Variants in PSD observed in about 807,000 individuals in gnomAD.
PSD encodes PH and SEC7 domain-containing protein 1.
In PSD, 32 loss-of-function variants were observed where a neutral mutation model predicts 91.6. The observed-to-expected ratio is 0.35, with a 90% confidence interval of 0.26 to 0.47. The LOEUF (loss-of-function observed/expected upper bound fraction) is 0.47, where lower values mean the gene tolerates loss of function less well. Among genes scored for constraint, PSD ranks in the 20% least tolerant of loss-of-function variants. The pLI is 1.00. For synonymous variants in PSD, 532 were observed against 569.3 expected (o/e 0.93, Z 0.93); for missense variants, 1,099 against 1,373.9 (o/e 0.80, Z 3.16).
chr10:102,410,585 CG>C lies in PSD; in HGVS notation c.2091+272del, dbSNP rs1363143774. 6.6e-6 allele frequency among the ~76,000 whole-genome samples: 1 copy of C among 152,230 alleles called. No homozygotes were observed. The highest frequency in any genetic ancestry group is 1.5e-5 in the Non-Finnish European group (1 of 68,032). The stretch of plus-strand genomic sequence containing the variant: ...GGGAACTGAAGGCAAACGCAGGGGC[CG>C]GGGCCGCCTGCTCGCGTTTTCCAGA... On this transcript the variant is annotated intron_variant, in intron 10 of 16. Transcript: ENST00000020673. This position sits in a 1 kb window ranked among gnomAD's most constrained non-coding sequence, Gnocchi z 6.0.
chr10:102,418,991 C>G, upstream of PSD: 4 of 343,954 alleles, frequency 1.2e-5, no homozygotes, highest in South Asian at 8.4e-5. Context: ...ACCCCTGGTT[C>G]TATTCCCCAG....
rs768045850 is a variant in PSD, at chr10:102,413,932, G to A, written c.1390C>T (p.Leu464Phe). 1.7e-5 allele frequency: 27 copies of A among 1,613,950 alleles called. No homozygotes were observed. In the Middle Eastern group the frequency reaches 4.9e-4, roughly 29 times the overall value. ...GAGCTGGTACCAGAATCCGGTTCAA[G>A]AGGGGCAAGTGGGGCGGGAGCTGGT... ...DPPAPAPLAP[L>F]EPDSGTSSAA... Residue 464 changes from leucine (L) to phenylalanine (F), a missense_variant, in exon 5 of 17, where the codon CTT (leucine) becomes TTT (phenylalanine). By Grantham distance (22) the Leu-to-Phe change is conservative. Coordinates refer to ENST00000020673, the MANE Select transcript of PSD (RefSeq NM_002779.5).
chr10:102,419,916 C>T (rs1053431394), upstream of PSD: 12 of 264,544 alleles, frequency 4.5e-5, no homozygotes, highest in South Asian at 8.8e-5. The surrounding 1 kb of genome is among the most constrained non-coding windows in gnomAD (Gnocchi z 4.8). Flanking sequence ...GCTAGCTTCT[C>T]CCTTCTCGCT....
Position 102,412,555 on chromosome 10 carries a change from A to G in PSD, c.1574T>C (p.Leu525Pro). The G allele has an allele frequency of 6.2e-7, 1 of 1,613,128 alleles. No homozygotes were observed. The highest frequency in any genetic ancestry group is 8.5e-7 in the Non-Finnish European group (1 of 1,179,502). ...PLGSEPPLSQLVSDSDSELDS... is the reference protein window; with the variant it reads ...PLGSEPPLSQPVSDSDSELDS... ...CAGCTCTGAGTCTGAGTCGGACACC[A>G]GCTGGCTCAGGGGTGGTTCGCTGCC... The change falls in exon 6 of 17, where the codon CTG becomes CCG. Residue 525 changes from leucine (L) to proline (P), a missense_variant. Physicochemically the swap from Leu to Pro is moderately conservative, Grantham distance 98 (BLOSUM62 -3). Transcript: ENST00000020673.
chr10:102,418,825 C>A (rs1042279606), upstream of PSD: 10 of 416,156 alleles, frequency 2.4e-5, no homozygotes, highest in Admixed American at 7.5e-5. Flanking sequence ...CCCCCTACCC[C>A]CTACGCGCCG....
At position 102,412,397 on chromosome 10, in the gene PSD, G is replaced by A. The variant is rs780137359; in HGVS notation, c.1732C>T (p.Arg578Trp). Residue 578 changes from arginine (R) to tryptophan (W), a missense_variant, in exon 6 of 17, where the codon CGG (arginine) becomes TGG (tryptophan). Around this residue, in one of 3 missense-constraint regions of PSD, gnomAD observed 110 missense variants for 218.7 expected, o/e 0.50. Coordinates refer to ENST00000020673, the MANE Select transcript of PSD (RefSeq NM_002779.5). ...LDGFRKADVARHLGKNNDFSK... is the reference protein window; with the variant it reads ...LDGFRKADVAWHLGKNNDFSK... ...TGGCTTTACTTCTTGCCCAGGTGCCGGGCCACATCGGCCTTCCTGAAGCCA... is the reference window on the plus strand; with the variant it reads ...TGGCTTTACTTCTTGCCCAGGTGCCAGGCCACATCGGCCTTCCTGAAGCCA... 7.4e-6 allele frequency: 12 copies of A among 1,613,654 alleles called. No homozygotes were observed. The highest frequency in any genetic ancestry group is 1.0e-5 in the Non-Finnish European group (12 of 1,179,692).
chr10:102,414,573 C>G lies in PSD; in HGVS notation c.1124+290G>C, dbSNP rs766270020. Among the ~76,000 whole-genome samples, 1 of 152,194 alleles carries G rather than the reference C, an allele frequency of 6.6e-6. No individual in the cohort carries two copies. Among genetic ancestry groups the G allele is most frequent in the Non-Finnish European group, 1.5e-5 (1 of 68,024 alleles). On this transcript the variant is annotated intron_variant, in intron 4 of 16. Coordinates refer to ENST00000020673, the MANE Select transcript of PSD (RefSeq NM_002779.5). This position sits in a 1 kb window ranked among gnomAD's most constrained non-coding sequence, Gnocchi z 5.6. ...GTCCCCACACTCCCCACTCTCCCAC[C>G]AGGATCCAGGATCCAGACTCATGCT...
Position 102,404,545 on chromosome 10 carries a change from C to T in PSD, c.2700+38G>A. Reference sequence around the variant, plus strand: ...GCAGTGGGCCTGAGCCTAACACCCTCCATCCCACTGGCACTAGGTGGACAG... The same window carrying T: ...GCAGTGGGCCTGAGCCTAACACCCTTCATCCCACTGGCACTAGGTGGACAG... On this transcript the variant is annotated intron_variant, in intron 15 of 16. Transcript: ENST00000020673. This position sits in a 1 kb window ranked among gnomAD's most constrained non-coding sequence, Gnocchi z 5.7. 1 of 1,600,326 alleles carries T rather than the reference C, an allele frequency of 6.2e-7. No homozygotes were observed.
Position 102,413,822 on chromosome 10 carries a change from A to T in PSD, c.1500T>A (p.Pro500=). ...RAKLAPGREP[P]SPCHSEDSLG... is the part of the protein sequence containing the mutation. ...GGCTGTCCTCTGAGTGGCAGGGACT[A>T]GGGGGCTCCCTCCCTGGGGCCAGCT... The change falls in exon 5 of 17, where the codon CCT becomes CCA. Residue 500 remains proline, a synonymous_variant. Coordinates refer to ENST00000020673, the MANE Select transcript of PSD (RefSeq NM_002779.5). 6.2e-7 allele frequency: 1 copy of T among 1,614,052 alleles called. No homozygotes were observed. The highest frequency in any genetic ancestry group is 1.1e-5 in the South Asian group (1 of 91,082).
Position 102,404,817 on chromosome 10 carries a change from T to TG in PSD, c.2555+80dup. On this transcript the variant is annotated intron_variant, in intron 14 of 16. Transcript: ENST00000020673. This position sits in a 1 kb window ranked among gnomAD's most constrained non-coding sequence, Gnocchi z 5.7. Reference sequence around the variant, plus strand: ...GGCTCAAGTGTGGCCTGAGAAGGAATGAAAAAATCCAGGGACAGGGAGGGG... The same window carrying TG: ...GGCTCAAGTGTGGCCTGAGAAGGAATGGAAAAAATCCAGGGACAGGGAGGGG... 1 of 1,569,782 alleles carries TG rather than the reference T, an allele frequency of 6.4e-7. No individual in the cohort carries two copies. The highest frequency in any genetic ancestry group is 1.8e-5 in the Admixed American group (1 of 56,212).
chr10:102,407,170 C>G, intron 11 of PSD, 53 bp downstream of exon 11: 1 of 1,537,780 alleles, frequency 6.5e-7, no homozygotes, highest in Non-Finnish European at 8.8e-7. Flanking sequence ...CCTCCCCAGG[C>G]AGCCCCTTCC....
upstream of PSD, chr10:102,418,863 C>T (rs1433072388): frequency 7.6e-6 from 3 of 392,256 alleles, no homozygotes; most frequent in Non-Finnish European, 1.6e-5. Flanking sequence ...CCCCCCACCC[C>T]CCGCCCTCTC....
intron 3 of PSD, 99 bp from the exon 4 acceptor site, chr10:102,415,328 G>A (rs1216010741): frequency 2.2e-6 from 3 of 1,384,710 alleles, no homozygotes; most frequent in African/African-American, 1.4e-5. Context: ...ATATTGACAG[G>A]AAGTTCTTTC....
In PSD at chr10:102,402,639, A is replaced by C; in HGVS notation, c.*561T>G. The C allele has an allele frequency of 4.7e-6, 2 of 422,346 alleles. No homozygotes were observed. Among genetic ancestry groups the C allele is most frequent in the Non-Finnish European group, 8.4e-6 (2 of 236,986 alleles). 26.2% of individuals were successfully genotyped at this position (422,346 alleles called of 1,614,324 possible). A position where few individuals can be genotyped will look rare whatever the true frequency, so the allele number is the denominator to read the frequency against. Reference sequence around the variant, plus strand: ...AGCCAGCAAGTCCAGAGCAGTTTTAATGGGGGTGGAGGCTGTACAAAGGGC... The same window carrying C: ...AGCCAGCAAGTCCAGAGCAGTTTTACTGGGGGTGGAGGCTGTACAAAGGGC... On this transcript the variant is annotated 3_prime_UTR_variant, in exon 17 of 17. Transcript: ENST00000020673.
chr10:102,411,158 A>G, intron 8 of PSD, 42 bp from the exon 9 acceptor site: 1 of 1,553,426 alleles, frequency 6.4e-7, no homozygotes, highest in African/African-American at 1.4e-5. Flanking sequence ...CCTCCCAGGG[A>G]CCCTTCCCAC....
chr10:102,418,892 G>T, upstream of PSD: 2 of 350,400 alleles, frequency 5.7e-6, no homozygotes, highest in Non-Finnish European at 1.1e-5. Flanking sequence ...CAGAGCCCCG[G>T]AGGCTGCCAG....
Position 102,410,860 on chromosome 10 carries a change from T to C in PSD, c.2089A>G (p.Lys697Glu). The change falls in exon 10 of 17, where the codon AAG becomes GAG. Residue 697 changes from lysine to glutamate, a missense_variant and splice_region_variant. Transcript: ENST00000020673. The surrounding 1 kb of genome is among the most constrained non-coding windows in gnomAD (Gnocchi z 6.0). ...DGGDFPRELLKALYSSIKNEK... is the reference protein window; with the variant it reads ...DGGDFPRELLEALYSSIKNEK... ...TTCTACCCTGCCCCGCCCCCCACCT[T>C]GAGCAGCTCCCTAGGGAAGTCGCCG... The C allele has an allele frequency of 1.9e-6, 3 of 1,612,318 alleles. No individual in the cohort carries two copies. The highest frequency in any genetic ancestry group is 2.5e-6 in the Non-Finnish European group (3 of 1,178,744).
chr10:102,412,615 C>T (rs2061436092), intron 5 of PSD, 40 bp from the exon 6 acceptor site: 1 of 1,564,170 alleles, frequency 6.4e-7, no homozygotes, highest in Non-Finnish European at 8.7e-7. Context: ...GGGCAGGGTC[C>T]TTAGGAGCCA....
chr10:102,417,853 C>T (rs140374940), intron 1 of PSD, among the ~76,000 whole-genome samples: 2,772 of 152,000 alleles, frequency 0.018, 43 homozygotes, highest in Admixed American at 0.029. Context: ...GGATTACAGG[C>T]GCTCAGCACT....
Sources: gnomAD v4.1 joint callset for allele counts (sites outside exome capture counted in the v4.1 genomes callset) on GRCh38, gnomAD v4.1.1 for gene constraint, gnomAD v4.1.1 regional missense constraint, Gnocchi (gnomAD v3.1) non-coding constraint, MANE v1.5 for transcripts, NCBI Gene and HGNC (gene_info 2026-07-23, HGNC 2026-07-21) for gene names.